MYCBP2: variants seen among roughly 807,000 people sequenced by gnomAD.
The protein encoded by MYCBP2 is E3 ubiquitin-protein ligase MYCBP2.
MYCBP2 carries 120 observed loss-of-function variants against 525.3 expected under a neutral mutation model. The observed-to-expected ratio is 0.23, with a 90% CI of 0.20 to 0.27. MYCBP2 has a LOEUF of 0.27. Among genes scored for constraint, MYCBP2 ranks in the 10% least tolerant of loss-of-function variants. The pLI is 1.00. For missense variants in MYCBP2, 4,149 were observed against 5,657.1 expected (o/e 0.73, Z 8.55); for synonymous variants, 1,894 against 1,955.8 (o/e 0.97, Z 0.83).
intron 68 of MYCBP2, among the ~76,000 whole-genome samples, chr13:77,071,399 T>C (rs1414179983): frequency 6.6e-6 from 1 of 152,122 alleles, no homozygotes; most frequent in Non-Finnish European, 1.5e-5. Flanking sequence ...AAGAAACTCT[T>C]TTGTTTAAGA....
At chr13:77,082,238 C>T (rs1449023508) in intron 63 of MYCBP2, 3 of 381,156 alleles carry the variant, frequency 7.9e-6, no homozygotes, top group South Asian at 4.3e-5. Context: ...AAGAATTAGA[C>T]AGATGAAGAT....
rs1336402150 is a variant in MYCBP2 at position 77,168,449 on chromosome 13, A to T, written c.6093T>A (p.Pro2031=). 1 of 1,614,088 alleles carries T rather than the reference A, an allele frequency of 6.2e-7. No homozygotes were observed. Among genetic ancestry groups the T allele is most frequent in the East Asian group, 2.2e-5 (1 of 44,872 alleles). ...CTACCTTGTAATGCATCACACAGGC[A>T]GGTTTATACGGGTGCTCACTCTCTA... is the stretch of plus-strand genomic sequence containing the variant. ...AVIESEHPYK[P]ACVMHYKVTF... is the part of the protein sequence containing the mutation. The change falls in exon 40 of 83, where the codon CCT becomes CCA. Residue 2031 remains proline (P), a synonymous_variant. Coordinates refer to ENST00000544440, the MANE Select transcript of MYCBP2 (RefSeq NM_015057.5).
chr13:77,192,601 C>T (rs2061390759), intron 27 of MYCBP2, among the ~76,000 whole-genome samples: 1 of 151,956 alleles, frequency 6.6e-6, no homozygotes, highest in African/African-American at 2.4e-5. Context: ...TATGGAAGTA[C>T]AAAAGAGGTC....
At chr13:77,099,257 C>G (rs1462555917) in intron 55 of MYCBP2, 1 of 509,176 alleles carries the variant, frequency 2.0e-6, no homozygotes, top group South Asian at 2.3e-5. Flanking sequence ...TTGAACAAAT[C>G]CAGTGTGAAC....
chr13:77,271,360 A>G (rs972074228), intron 5 of MYCBP2, among the ~76,000 whole-genome samples: 4 of 152,190 alleles, frequency 2.6e-5, no homozygotes, highest in Non-Finnish European at 4.4e-5. Flanking sequence ...GTGTCTTTCA[A>G]TACAGCATCT....
intron 3 of MYCBP2, 111 bp from the exon 4 acceptor site, chr13:77,279,022 T>C (rs2075916549): frequency 1.6e-6 from 1 of 612,756 alleles, no homozygotes; most frequent in African/African-American, 1.9e-5. Flanking sequence ...TGTATATGTA[T>C]AATGGAGCCA....
intron 2 of MYCBP2, among the ~76,000 whole-genome samples, chr13:77,295,197 C>T (rs749765899): frequency 3.3e-5 from 5 of 152,098 alleles, no homozygotes; most frequent in Admixed American, 6.5e-5. Context: ...TGCAGTGGTG[C>T]GATCTCAGCT....
intron 18 of MYCBP2, among the ~76,000 whole-genome samples, chr13:77,231,725 T>C (rs2067160144): frequency 6.6e-6 from 1 of 152,264 alleles, no homozygotes; most frequent in Non-Finnish European, 1.5e-5. Context: ...AATGTGAATA[T>C]TTAACCTCAG....
intron 4 of MYCBP2, among the ~76,000 whole-genome samples, chr13:77,276,657 T>A (rs1407212920): frequency 6.6e-6 from 1 of 151,432 alleles, no homozygotes; most frequent in African/African-American, 2.4e-5. Context: ...TTTGTGGGAT[T>A]TTTTGGGGGT....
chr13:77,264,061 T>C, intron 8 of MYCBP2, 59 bp from the exon 9 acceptor site: 2 of 1,408,520 alleles, frequency 1.4e-6, no homozygotes. Flanking sequence ...CAAAATGAAT[T>C]TACTCCTCTG....
At chr13:77,141,078 T>C in intron 49 of MYCBP2, 135 bp from the exon 50 acceptor site, 1 of 624,776 alleles carries the variant, frequency 1.6e-6, no homozygotes. Flanking sequence ...TTTAAGGTGA[T>C]GGATATTTAA....
At chr13:77,092,261 T>C (rs1354865771) in intron 59 of MYCBP2, among the ~76,000 whole-genome samples, 3 of 152,164 alleles carry the variant, frequency 2.0e-5, no homozygotes, top group Non-Finnish European at 4.4e-5. Flanking sequence ...TTCACAGTTA[T>C]TCGTGACTGA....
chr13:77,071,007 AG>A (rs2041123107), intron 68 of MYCBP2, among the ~76,000 whole-genome samples: 1 of 152,204 alleles, frequency 6.6e-6, no homozygotes, highest in African/African-American at 2.4e-5. Flanking sequence ...AAACATTATT[AG>A]TTCACATCCC....
intron 52 of MYCBP2, among the ~76,000 whole-genome samples, chr13:77,132,424 A>C (rs552499496): frequency 1.3e-5 from 2 of 152,270 alleles, no homozygotes; most frequent in South Asian, 4.1e-4. Context: ...AACAAATGAT[A>C]CTTTCTCTTC....
chr13:77,095,514 G>A lies in MYCBP2; in HGVS notation c.10043C>T (p.Ala3348Val), dbSNP rs2046104542. The A allele has an allele frequency of 6.2e-7, 1 of 1,613,616 alleles. No homozygotes were observed. Among genetic ancestry groups the A allele is most frequent in the Non-Finnish European group, 8.5e-7 (1 of 1,179,742 alleles). ...ACTGCTCAGGGACAGCAGGAAGAGT[G>A]CATTGGCTTTAATCACCTGGTGAGC... ...MEAHQVIKANALFLLSLSSAA... is the reference protein window; with the variant it reads ...MEAHQVIKANVLFLLSLSSAA... The change falls in exon 58 of 83, where the codon GCA becomes GTA. Residue 3348 changes from alanine to valine, a missense_variant. By Grantham distance (64) the Ala-to-Val change is moderately conservative (BLOSUM62 0). Around this residue, in one of 21 missense-constraint regions of MYCBP2, gnomAD observed 509 missense variants for 789.4 expected, o/e 0.64. Coordinates refer to ENST00000544440, the MANE Select transcript of MYCBP2 (RefSeq NM_015057.5).
Position 77,061,707 on chromosome 13 carries a change from G to C in MYCBP2, c.12858C>G (p.Asp4286Glu). Residue 4286 changes from aspartate (D) to glutamate (E), a missense_variant, in exon 75 of 83, where the codon GAC becomes GAG. By Grantham distance (45) the Asp-to-Glu change is conservative (BLOSUM62 2). Around this residue, in one of 21 missense-constraint regions of MYCBP2, gnomAD observed 220 missense variants for 396.0 expected, o/e 0.56. Transcript: ENST00000544440. ...NVCGNLCTDC[D>E]RFLHLHRRTK... ...TTCTTCGATGAAGGTGAAGGAATCT[G>C]TCACAGTCTGTACATAAATTTCCAC... 6.2e-7 allele frequency: 1 copy of C among 1,612,312 alleles called. No homozygotes were observed. Among genetic ancestry groups the C allele is most frequent in the African/African-American group, 1.3e-5 (1 of 74,988 alleles).
chr13:77,257,778 T>A lies in MYCBP2; in HGVS notation c.2069A>T (p.Lys690Ile). 1.9e-6 allele frequency: 3 copies of A among 1,613,210 alleles called. No homozygotes were observed. The highest frequency in any genetic ancestry group is 2.5e-6 in the Non-Finnish European group (3 of 1,179,686). ...GHFVTQVAMG[K>I]AHTCVLMKNG... ...CTTCATTAAAACACAAGTGTGAGCT[T>A]TGCCCATAGCTACCTGAGTTACAAA... Residue 690 changes from lysine to isoleucine, a missense_variant, in exon 14 of 83, where the codon AAA becomes ATA. Lys to Ile is a moderately radical substitution (Grantham distance 102). This residue lies in a region of MYCBP2 where 262 missense variants were observed against 419.3 expected (regional missense o/e 0.62). Coordinates refer to ENST00000544440, the MANE Select transcript of MYCBP2 (RefSeq NM_015057.5).
At chr13:77,071,309 A>ACACACAC (rs755286964) in intron 68 of MYCBP2, among the ~76,000 whole-genome samples, 9 of 149,228 alleles carry the variant, frequency 6.0e-5, no homozygotes, top group South Asian at 4.2e-4. Context: ...ACACACACAC[A>ACACACAC]AATCTTATCT....
intron 15 of MYCBP2, among the ~76,000 whole-genome samples, chr13:77,248,685 G>A (rs1000513625): frequency 3.3e-5 from 5 of 151,872 alleles, no homozygotes; most frequent in East Asian, 1.9e-4. Context: ...ATGGTTGGCC[G>A]CTGTGAAAAA....
Sources: gnomAD v4.1 joint callset for allele counts (sites outside exome capture counted in the v4.1 genomes callset) on GRCh38, gnomAD v4.1.1 for gene constraint, gnomAD v4.1.1 regional missense constraint, MANE v1.5 for transcripts, NCBI Gene and HGNC (gene_info 2026-07-23, HGNC 2026-07-21) for gene names.